Variants in TRPM3 observed in about 807,000 individuals in gnomAD.
The protein encoded by TRPM3 is transient receptor potential cation channel subfamily M member 3.
A neutral mutation model predicts 181.2 loss-of-function variants in TRPM3; 77 were observed. The observed-to-expected ratio is 0.42, with a 90% confidence interval of 0.35 to 0.51. The LOEUF is 0.51. Among genes scored for constraint, TRPM3 ranks in the 20% least tolerant of loss-of-function variants. The pLI is 0.01. For synonymous variants in TRPM3, 745 were observed against 796.4 expected, an observed-to-expected ratio of 0.94 and a Z score of 1.09; for missense variants, 1,759 against 2,196.7, an observed-to-expected ratio of 0.80 and a Z score of 3.98.
At chr9:71,282,119 AGAAAGAAC>A (rs1484576658) in intron 1 of TRPM3, among the ~76,000 whole-genome samples, 2 of 141,132 alleles carry the variant, frequency 1.4e-5, no homozygotes, top group African/African-American at 5.3e-5. Flanking sequence ...AGAAAGAAAA[AGAAAGAAC>A]GAAAGAAAGA....
At chr9:70,543,963 A>G (rs1299594465) in intron 25 of TRPM3, among the ~76,000 whole-genome samples, 1 of 152,166 alleles carries the variant, frequency 6.6e-6, no homozygotes, top group Non-Finnish European at 1.5e-5. Context: ...AGTGGAGAGC[A>G]TGCCAAGTCC....
chr9:71,025,008 C>T (rs1000693653), intron 1 of TRPM3, among the ~76,000 whole-genome samples: 1 of 152,178 alleles, frequency 6.6e-6, no homozygotes, highest in African/African-American at 2.4e-5. Context: ...ATACCTCTCA[C>T]TGAACCCTGT....
intron 1 of TRPM3, among the ~76,000 whole-genome samples, chr9:71,250,253 C>T (rs904920030): frequency 1.3e-5 from 2 of 152,038 alleles, no homozygotes; most frequent in Non-Finnish European, 2.9e-5. Flanking sequence ...TAATTTTTAC[C>T]TTCCCTTCCC....
rs182166888 is a variant in TRPM3, at chr9:71,145,600, C to T, written c.184-281089G>A. 3.2e-4 allele frequency among the ~76,000 whole-genome samples: 49 copies of T among 152,060 alleles called. No homozygotes were observed. The South Asian group carries it at 3.9e-3, about 12-fold the overall frequency. On this transcript the variant is annotated intron_variant, in intron 1 of 24. Coordinates refer to the TRPM3 transcript ENST00000357533. ...GAGGAATGGACAAAACAGGCATTTCCGTTTTCTATTTTCTCATGTAAAATC... is the reference window on the plus strand; with the variant it reads ...GAGGAATGGACAAAACAGGCATTTCTGTTTTCTATTTTCTCATGTAAAATC...
At chr9:71,006,163 T>G (rs1255685251) in intron 1 of TRPM3, among the ~76,000 whole-genome samples, 1 of 152,142 alleles carries the variant, frequency 6.6e-6, no homozygotes, top group Admixed American at 6.5e-5. Context: ...CCCCGCGTGT[T>G]GCCACAAAGC....
chr9:70,580,691 C>T (rs1265652766), intron 22 of TRPM3, among the ~76,000 whole-genome samples: 4 of 152,204 alleles, frequency 2.6e-5, no homozygotes, highest in African/African-American at 9.7e-5. Flanking sequence ...TTAGAATGCC[C>T]TGTCATTATC....
chr9:70,741,883 G>A (rs1026288313), intron 8 of TRPM3, among the ~76,000 whole-genome samples: 22 of 152,118 alleles, frequency 1.4e-4, no homozygotes, highest in Non-Finnish European at 2.4e-4. Flanking sequence ...TACACTGCCC[G>A]GGTGATGGGT....
intron 6 of TRPM3, among the ~76,000 whole-genome samples, chr9:70,812,813 T>G (rs2092262003): frequency 6.6e-6 from 1 of 152,170 alleles, no homozygotes. Flanking sequence ...AAGTAATACT[T>G]TAGTGAAGGT....
At position 70,761,701 on chromosome 9, in the gene TRPM3, T is replaced by C; in HGVS notation, c.1172A>G (p.Asp391Gly). The change falls in exon 8 of 26, where the codon GAC becomes GGC. Residue 391 changes from aspartate to glycine, a missense_variant. Transcript: ENST00000677713. ...CTTCTGTATAGTCACCAACAGCTGG[T>C]CCCTCAAAGATTCATTTATCAGTCT... ...EGGLINESLR[D>G]QLLVTIQKTF... 8 of 1,612,588 alleles carry C rather than the reference T, an allele frequency of 5.0e-6. No homozygotes were observed. The highest frequency in any genetic ancestry group is 6.8e-6 in the Non-Finnish European group (8 of 1,178,886).
chr9:71,281,954 G>C (rs62543438), intron 1 of TRPM3, among the ~76,000 whole-genome samples: 37,652 of 151,920 alleles, frequency 0.25, 5,131 homozygotes, highest in Middle Eastern at 0.45. Flanking sequence ...CTGGCTACTC[G>C]GGAGGCTGAG....
intron 1 of TRPM3, among the ~76,000 whole-genome samples, chr9:71,227,963 A>G (rs78256715): frequency 0.011 from 1,644 of 152,288 alleles, 27 homozygotes; most frequent in East Asian, 0.074. Context: ...AAGTGGAGCA[A>G]ATATTTTCAA....
At chr9:70,808,257 C>G (rs935123712) in intron 6 of TRPM3, among the ~76,000 whole-genome samples, 1 of 152,184 alleles carries the variant, frequency 6.6e-6, no homozygotes, top group Non-Finnish European at 1.5e-5. Context: ...CAACCCAAAT[C>G]TTTCTAATCT....
At chr9:70,771,114 T>C (rs1254606657) in intron 7 of TRPM3, among the ~76,000 whole-genome samples, 1 of 152,162 alleles carries the variant, frequency 6.6e-6, no homozygotes, top group Admixed American at 6.5e-5. Flanking sequence ...TCAGATAATT[T>C]TATGCCATCC....
intron 1 of TRPM3, among the ~76,000 whole-genome samples, chr9:71,159,202 A>G (rs890280378): frequency 8.6e-5 from 13 of 151,502 alleles, no homozygotes; most frequent in African/African-American, 1.7e-4. Context: ...TATGTGTCCA[A>G]TTGGTTCTAA....
chr9:70,985,846 A>G (rs1370008479), intron 1 of TRPM3, among the ~76,000 whole-genome samples: 2 of 152,226 alleles, frequency 1.3e-5, no homozygotes, highest in Non-Finnish European at 2.9e-5. Flanking sequence ...AGAATGAGGC[A>G]CTGGGTGGAG....
chr9:70,784,406 A>G, intron 6 of TRPM3, 127 bp from the exon 7 acceptor site: 1 of 1,031,410 alleles, frequency 9.7e-7, no homozygotes, highest in Non-Finnish European at 1.4e-6. Context: ...GTAGCAACAT[A>G]TGAAGGGATA....
At chr9:71,328,356 C>T (rs1429574198) in intron 1 of TRPM3, among the ~76,000 whole-genome samples, 1 of 151,986 alleles carries the variant, frequency 6.6e-6, no homozygotes, top group African/African-American at 2.4e-5. Context: ...TTAGTAGAGA[C>T]GGGGTTTCAC....
intron 1 of TRPM3, among the ~76,000 whole-genome samples, chr9:71,036,523 G>A (rs765141406): frequency 2.0e-5 from 3 of 152,092 alleles, no homozygotes; most frequent in Non-Finnish European, 4.4e-5. Context: ...ACCCATTTTC[G>A]CTTTCTGGGC....
chr9:71,110,675 T>C (rs921081325), intron 1 of TRPM3, among the ~76,000 whole-genome samples: 2 of 152,190 alleles, frequency 1.3e-5, no homozygotes. Flanking sequence ...AGCTGAAGCA[T>C]TGAAAGATAA....
Sources: gnomAD v4.1 joint callset for allele counts (sites outside exome capture counted in the v4.1 genomes callset) on GRCh38, gnomAD v4.1.1 for gene constraint, MANE v1.5 for transcripts, NCBI Gene and HGNC (gene_info 2026-07-23, HGNC 2026-07-21) for gene names.